HSPA12A: variants seen among roughly 807,000 people sequenced by gnomAD.
The protein encoded by HSPA12A is heat shock protein family A (Hsp70) member 12A.
Under a neutral mutation model 69.2 loss-of-function variants are expected in HSPA12A, and 28 were observed. The observed-to-expected ratio is 0.40, with a 90% CI of 0.30 to 0.55. The LOEUF (loss-of-function observed/expected upper bound fraction) is 0.55. Ranked by LOEUF, HSPA12A falls within the 20% of genes least tolerant of loss-of-function variation. HSPA12A has a pLI of 0.38. For missense variants in HSPA12A, 686 were observed against 900.7 expected, an observed-to-expected ratio of 0.76 and a Z score of 3.05; for synonymous variants, 345 against 370.5, an observed-to-expected ratio of 0.93 and a Z score of 0.79.
At chr10:116,755,429 T>C (rs1253206726) in intron 2 of HSPA12A, among the ~76,000 whole-genome samples, 1 of 151,512 alleles carries the variant, frequency 6.6e-6, no homozygotes, top group Non-Finnish European at 1.5e-5. Flanking sequence ...ATGGCCAACA[T>C]GGTGGAACTC....
intron 2 of HSPA12A, among the ~76,000 whole-genome samples, chr10:116,782,135 A>AACCTC (rs1844476771): frequency 6.6e-6 from 1 of 152,232 alleles, no homozygotes; most frequent in Non-Finnish European, 1.5e-5. Flanking sequence ...AGAGATGCTC[A>AACCTC]ACCTCAGCTG....
intron 2 of HSPA12A, among the ~76,000 whole-genome samples, chr10:116,802,172 G>T (rs752349129): frequency 2.0e-5 from 3 of 152,122 alleles, no homozygotes; most frequent in Non-Finnish European, 4.4e-5. Flanking sequence ...AGTGTATATG[G>T]GGTGTTCTTT....
intron 2 of HSPA12A, among the ~76,000 whole-genome samples, chr10:116,761,480 T>A: frequency 7.1e-6 from 1 of 141,332 alleles, no homozygotes; most frequent in African/African-American, 2.7e-5. Context: ...AGCAAGAGAC[T>A]CCATCTCAAA....
chr10:116,736,600 G>A (rs1554886455), intron 1 of HSPA12A, among the ~76,000 whole-genome samples: 5 of 152,234 alleles, frequency 3.3e-5, no homozygotes, highest in Non-Finnish European at 7.3e-5. Flanking sequence ...ATGGGAGGAG[G>A]AGGGGCAGAG....
At chr10:116,699,430 G>A (rs1369712889) in intron 4 of HSPA12A, among the ~76,000 whole-genome samples, 1 of 152,152 alleles carries the variant, frequency 6.6e-6, no homozygotes, top group Non-Finnish European at 1.5e-5. Flanking sequence ...TGGGCAGGGA[G>A]TGAGAGCAAA....
intron 2 of HSPA12A, chr10:116,750,708 G>A: frequency 5.4e-6 from 1 of 186,224 alleles, no homozygotes; most frequent in Non-Finnish European, 1.1e-5. Context: ...GGGCTCCGTG[G>A]CTCACACCTG....
At chr10:116,828,542 G>A (rs988615211) in intron 2 of HSPA12A, among the ~76,000 whole-genome samples, 6 of 152,310 alleles carry the variant, frequency 3.9e-5, no homozygotes, top group African/African-American at 9.6e-5. Flanking sequence ...ACTGTAACTC[G>A]ATGCATGCTT....
At chr10:116,843,993 G>C (rs1277964520) in intron 1 of HSPA12A, among the ~76,000 whole-genome samples, 1 of 152,202 alleles carries the variant, frequency 6.6e-6, no homozygotes, top group Non-Finnish European at 1.5e-5. Context: ...CACTTACTGA[G>C]AGTTCTTTCT....
intron 1 of HSPA12A, among the ~76,000 whole-genome samples, chr10:116,711,176 A>C (rs1850414360): frequency 6.6e-6 from 1 of 152,190 alleles, no homozygotes; most frequent in Non-Finnish European, 1.5e-5. Context: ...AGGAATCCCA[A>C]ATGCCATTAA....
chr10:116,695,216 C>T (rs1274134286), intron 5 of HSPA12A, among the ~76,000 whole-genome samples: 2 of 152,146 alleles, frequency 1.3e-5, no homozygotes, highest in African/African-American at 2.4e-5. Context: ...ACCCTGCAGG[C>T]TCTCGGGATT....
At chr10:116,830,636 G>A (rs961080154) in intron 2 of HSPA12A, 15 of 152,174 alleles carry the variant, frequency 9.9e-5, no homozygotes, top group East Asian at 9.7e-4. Flanking sequence ...AGCCAGATGT[G>A]GTGGTGCATG....
intron 2 of HSPA12A, among the ~76,000 whole-genome samples, chr10:116,807,993 C>T (rs1421041820): frequency 6.6e-6 from 1 of 152,192 alleles, no homozygotes; most frequent in African/African-American, 2.4e-5. Context: ...GTCTAACAGG[C>T]TTTAGCCTCT....
intron 1 of HSPA12A, chr10:116,835,337 T>G (rs1321619589): frequency 1.3e-5 from 2 of 157,784 alleles, no homozygotes; most frequent in Non-Finnish European, 2.8e-5. Flanking sequence ...AAGCGTTGTG[T>G]GCACGTAAGG....
chr10:116,767,101 G>A (rs1364475109), intron 2 of HSPA12A, among the ~76,000 whole-genome samples: 2 of 152,164 alleles, frequency 1.3e-5, no homozygotes, highest in African/African-American at 4.8e-5. Context: ...GGCTAGAGCG[G>A]GGGCACCTGA....
At chr10:116,818,321 C>T (rs531117175) in intron 2 of HSPA12A, among the ~76,000 whole-genome samples, 34 of 152,348 alleles carry the variant, frequency 2.2e-4, no homozygotes, top group African/African-American at 7.0e-4. Flanking sequence ...TTTGGGCCTG[C>T]CCCACAGCCA....
chr10:116,823,207 A>G (rs1845436445), intron 2 of HSPA12A, among the ~76,000 whole-genome samples: 1 of 152,262 alleles, frequency 6.6e-6, no homozygotes, highest in Non-Finnish European at 1.5e-5. Flanking sequence ...TCCCTTTACA[A>G]TAGCATCACA....
At chr10:116,746,149 C>T (rs1564806636), upstream of HSPA12A, among the ~76,000 whole-genome samples, 2 of 152,150 alleles carry the variant, frequency 1.3e-5, no homozygotes, top group Non-Finnish European at 2.9e-5. Context: ...TCACCCACAG[C>T]CCCACACACG....
At chr10:116,835,033 G>A (rs1395747353) in intron 1 of HSPA12A, 10 of 1,227,658 alleles carry the variant, frequency 8.1e-6, no homozygotes, top group Non-Finnish European at 9.1e-6. Context: ...CTGTAGGAGG[G>A]GGGAAAAGAG....
At chr10:116,781,326 G>C (rs1247117045) in intron 2 of HSPA12A, among the ~76,000 whole-genome samples, 5 of 151,904 alleles carry the variant, frequency 3.3e-5, no homozygotes, top group Non-Finnish European at 7.4e-5. Flanking sequence ...ATTTCCTCTG[G>C]ATTCACTCTC....
Sources: allele counts gnomAD v4.1 joint callset (sites outside exome capture counted in the v4.1 genomes callset), GRCh38; gene constraint gnomAD v4.1.1; transcripts MANE v1.5; gene names NCBI Gene and HGNC (gene_info 2026-07-23, HGNC 2026-07-21).